LAMC3: variants seen among roughly 807,000 people sequenced by gnomAD.
LAMC3 encodes the protein laminin subunit gamma 3, also known as laminin subunit gamma-3.
A neutral mutation model predicts 173.8 loss-of-function variants in LAMC3; 128 were observed. The observed-to-expected ratio is 0.74, with a 90% CI of 0.64 to 0.85. LAMC3 has a LOEUF of 0.85. Ranked by LOEUF, LAMC3 falls within the 40% of genes least tolerant of loss-of-function variation. The pLI is 0.00. For missense variants in LAMC3, 2,022 were observed against 2,156.0 expected (o/e 0.94, Z 1.23); for synonymous variants, 897 against 909.1 (o/e 0.99, Z 0.24).
intron 2 of LAMC3, among the ~76,000 whole-genome samples, chr9:131,028,963 T>G (rs1485036772): frequency 1.3e-5 from 2 of 152,228 alleles, no homozygotes. Context: ...ACACCTGGCC[T>G]GAAGTCCAGG....
In LAMC3 at chr9:131,045,424, G is replaced by GT; in HGVS notation, c.1383-99dup. On this transcript the variant is annotated intron_variant, in intron 7 of 27. Coordinates refer to ENST00000361069, the MANE Select transcript of LAMC3 (RefSeq NM_006059.4). Reference sequence around the variant, plus strand: ...AAAAAATTGTTTTTAAGTTTCTGCAGTGATTCTAGACTCTCATTGGTCCAG... The same window carrying GT: ...AAAAAATTGTTTTTAAGTTTCTGCAGTTGATTCTAGACTCTCATTGGTCCAG... 4.4e-6 allele frequency: 6 copies of GT among 1,377,536 alleles called. No homozygotes were observed. The South Asian group carries it at 7.0e-5, about 16-fold the overall frequency. 85.3% of individuals were successfully genotyped at this position (1,377,536 alleles called of 1,614,324 possible).
chr9:131,009,354 T>C lies in LAMC3; in HGVS notation c.140T>C (p.Leu47Pro). ...TTCGAGAACGCGGCGTTTGGGCGGC[T>C]CGCCCAGGCCTCGCACACGTGCGGC... Reference protein sequence around the residue: ...PVFENAAFGRLAQASHTCGSP... With the variant: ...PVFENAAFGRPAQASHTCGSP... Residue 47 changes from leucine to proline, a missense_variant, in exon 1 of 28, where the codon CTC (leucine) becomes CCC (proline). Physicochemically the swap from Leu to Pro is moderately conservative, Grantham distance 98. Transcript: ENST00000361069. This position sits in a 1 kb window ranked among gnomAD's most constrained non-coding sequence, Gnocchi z 4.3. 1 of 1,500,752 alleles carries C rather than the reference T, an allele frequency of 6.7e-7. No homozygotes were observed. Among genetic ancestry groups the C allele is most frequent in the Non-Finnish European group, 8.8e-7 (1 of 1,131,744 alleles). The allele number at this position is 1,500,752 out of a possible 1,614,324, so 93.0% of individuals were successfully genotyped here. A position where few individuals can be genotyped will look rare whatever the true frequency, so the allele number is the denominator to read the frequency against.
chr9:131,031,581 G>A (rs78348759), intron 2 of LAMC3, among the ~76,000 whole-genome samples: 75 of 152,262 alleles, frequency 4.9e-4, no homozygotes, highest in African/African-American at 1.5e-3. Flanking sequence ...GGGGCACACC[G>A]TCCCCCAGCT....
chr9:131,062,563 C>T lies in LAMC3; in HGVS notation c.2347+1340C>T, dbSNP rs544067209. Among the ~76,000 whole-genome samples the T allele has an allele frequency of 2.6e-5, 4 of 152,008 alleles. No homozygotes were observed. In the East Asian group the frequency reaches 5.8e-4, roughly 22 times the overall value. ...CTTTATCATCATCCCAGACAGAAAC[C>T]GTACCCATCAAATGTGTTGTTGAGG... is the stretch of plus-strand genomic sequence containing the variant. On this transcript the variant is annotated intron_variant, in intron 13 of 27. Coordinates refer to ENST00000361069, the MANE Select transcript of LAMC3 (RefSeq NM_006059.4).
chr9:131,093,144 C>A lies in LAMC3; in HGVS notation c.*1357C>A, dbSNP rs7854617. ...TGCATATGACACACCTAGTAGGTGGCCAGCATGTGGACCGGACGTTGGTAG... is the reference window on the plus strand; with the variant it reads ...TGCATATGACACACCTAGTAGGTGGACAGCATGTGGACCGGACGTTGGTAG... On this transcript the variant is annotated 3_prime_UTR_variant, in exon 28 of 28. Transcript: ENST00000361069. 1.3e-4 allele frequency: 20 copies of A among 152,380 alleles called. No homozygotes were observed. In the East Asian group the frequency reaches 3.9e-3, roughly 29 times the overall value. 9.4% of individuals were successfully genotyped at this position (152,380 alleles called of 1,614,324 possible).
chr9:131,061,514 TG>T (rs1829823821), intron 13 of LAMC3, among the ~76,000 whole-genome samples: 1 of 152,236 alleles, frequency 6.6e-6, no homozygotes, highest in African/African-American at 2.4e-5. Context: ...TAGTGATAGC[TG>T]AACAAGTTCC....
intron 3 of LAMC3, among the ~76,000 whole-genome samples, chr9:131,035,040 T>G (rs1048850101): frequency 6.6e-6 from 1 of 152,236 alleles, no homozygotes; most frequent in Non-Finnish European, 1.5e-5. Flanking sequence ...AACCTCTGCC[T>G]CTTGGGTCCA....
At chr9:131,066,192 C>A (rs1381713919) in intron 13 of LAMC3, among the ~76,000 whole-genome samples, 1 of 150,750 alleles carries the variant, frequency 6.6e-6, no homozygotes, top group Non-Finnish European at 1.5e-5. Context: ...GAGACTGCAT[C>A]TCAAAAAAAT....
At chr9:131,060,969 C>T (rs1328327872) in intron 12 of LAMC3, 66 bp from the exon 13 acceptor site, 5 of 1,542,566 alleles carry the variant, frequency 3.2e-6, no homozygotes, top group Non-Finnish European at 4.5e-6. Context: ...CTAACCTCTC[C>T]CACCGGGATG....
chr9:131,050,433 G>A (rs764449992), intron 9 of LAMC3, among the ~76,000 whole-genome samples: 21 of 152,178 alleles, frequency 1.4e-4, no homozygotes, highest in Non-Finnish European at 2.9e-4. Flanking sequence ...TTCTGCCTAC[G>A]AGCACTCAGT....
intron 12 of LAMC3, 97 bp from the exon 13 acceptor site, chr9:131,060,938 C>T (rs1256403269): frequency 1.5e-6 from 2 of 1,307,862 alleles, no homozygotes; most frequent in East Asian, 4.6e-5. Flanking sequence ...CCCCACCCCA[C>T]TTCTGCCCGG....
intron 12 of LAMC3, among the ~76,000 whole-genome samples, chr9:131,060,068 C>T (rs2315071): frequency 0.73 from 110,463 of 151,466 alleles, 40,752 homozygotes; most frequent in African/African-American, 0.84. Context: ...ATGCCAGGTG[C>T]AGTCGGCCTG....
At chr9:131,038,800 C>T in intron 4 of LAMC3, 64 bp from the exon 5 acceptor site, 2 of 1,522,110 alleles carry the variant, frequency 1.3e-6, no homozygotes, top group East Asian at 2.2e-5. Flanking sequence ...GGCTGACTGA[C>T]ACAGATGCAG....
chr9:131,061,338 G>C (rs1313049264), intron 13 of LAMC3, 115 bp downstream of exon 13: 9 of 865,646 alleles, frequency 1.0e-5, no homozygotes, highest in Non-Finnish European at 1.6e-5. Flanking sequence ...AGGTGAGGGA[G>C]AGCCCAGCTT....
chr9:131,070,619 G>A (rs144776362), intron 17 of LAMC3, among the ~76,000 whole-genome samples: 1,965 of 152,238 alleles, frequency 0.013, 21 homozygotes, highest in Middle Eastern at 0.02. Flanking sequence ...GCTGAGGCAG[G>A]AGAATTGCTT....
Position 131,026,162 on chromosome 9 carries a change from T to C in LAMC3, c.374-123T>C. On this transcript the variant is annotated intron_variant, in intron 1 of 27. Coordinates refer to ENST00000361069, the MANE Select transcript of LAMC3 (RefSeq NM_006059.4). This position sits in a 1 kb window ranked among gnomAD's most constrained non-coding sequence, Gnocchi z 4.8. ...GAGGGTGGCTTCCCCTGTCCAGAGC[T>C]CCAGACAGCTTCCAGCGATCCATCC... The C allele has an allele frequency of 6.5e-7, 1 of 1,545,908 alleles. No homozygotes were observed. The highest frequency in any genetic ancestry group is 2.0e-5 in the Admixed American group (1 of 51,106).
intron 3 of LAMC3, among the ~76,000 whole-genome samples, chr9:131,035,014 G>A (rs561147749): frequency 3.3e-5 from 5 of 152,286 alleles, no homozygotes; most frequent in East Asian, 1.9e-4. Flanking sequence ...GCAATGGCAC[G>A]ATCTCGGCTC....
Position 131,067,171 on chromosome 9 carries a change from C to G in LAMC3, c.2559C>G (p.Ser853Arg). ...ACTGTCAGGAAGGCTTCTACGGGAG[C>G]GCCCTGGCCCCTCGACCCGCAGACA... ...CEHCQEGFYG[S>R]ALAPRPADKC... Residue 853 changes from serine to arginine, a missense_variant, in exon 14 of 28, where the codon AGC becomes AGG. Transcript: ENST00000361069. 6.2e-7 allele frequency: 1 copy of G among 1,614,080 alleles called. No individual in the cohort carries two copies. Among genetic ancestry groups the G allele is most frequent in the Non-Finnish European group, 8.5e-7 (1 of 1,180,014 alleles).
intron 21 of LAMC3, among the ~76,000 whole-genome samples, chr9:131,076,540 TGA>T: frequency 1.3e-5 from 2 of 152,156 alleles, no homozygotes; most frequent in African/African-American, 4.8e-5. Flanking sequence ...GGAGGTCACA[TGA>T]CCCACCCCAG....
Sources: gnomAD v4.1 joint callset for allele counts (sites outside exome capture counted in the v4.1 genomes callset) on GRCh38, gnomAD v4.1.1 for gene constraint, Gnocchi (gnomAD v3.1) non-coding constraint, MANE v1.5 for transcripts, NCBI Gene and HGNC (gene_info 2026-07-23, HGNC 2026-07-21) for gene names.